Variants in HS1BP3 observed in about 807,000 individuals in gnomAD.
HS1BP3 encodes HCLS1-binding protein 3.
HS1BP3 carries 32 observed loss-of-function variants against 33.5 expected under a neutral mutation model. The ratio of observed to expected loss-of-function variants is 0.95; its 90% CI spans 0.72 to 1.28. HS1BP3 has a LOEUF of 1.28. Ranked by LOEUF, HS1BP3 falls within the 50% of genes most tolerant of loss-of-function variation. The pLI, the probability that HS1BP3 is intolerant of heterozygous loss-of-function variation, is 0.00. For synonymous variants in HS1BP3, 187 were observed against 209.2 expected, an observed-to-expected ratio of 0.89 and a Z score of 0.92; for missense variants, 486 against 502.3, an observed-to-expected ratio of 0.97 and a Z score of 0.31.
intron 5 of HS1BP3, among the ~76,000 whole-genome samples, chr2:20,569,187 C>A (rs562603993): frequency 1.3e-5 from 2 of 152,288 alleles, no homozygotes; most frequent in Non-Finnish European, 2.9e-5. Context: ...GTCCCACCAC[C>A]CCCAAAAGGC....
At chr2:20,586,216 T>C (rs887906117) in intron 5 of HS1BP3, 1 of 152,258 alleles carries the variant, frequency 6.6e-6, no homozygotes, top group Non-Finnish European at 1.5e-5. Context: ...TCAAAACGTC[T>C]TCACAATGCA....
At chr2:20,650,929 G>A in intron 1 of HS1BP3, 103 bp downstream of exon 1, 1 of 1,045,176 alleles carries the variant, frequency 9.6e-7, no homozygotes, top group Middle Eastern at 3.4e-4. Context: ...GGGGAGACCT[G>A]CACCAGGTCC....
intron 4 of HS1BP3, chr2:20,636,341 T>A (rs1695129742): frequency 6.6e-6 from 1 of 152,366 alleles, no homozygotes; most frequent in Non-Finnish European, 1.5e-5. Context: ...GCTCAACTCC[T>A]TCCTCGATTT....
intron 2 of HS1BP3, among the ~76,000 whole-genome samples, chr2:20,609,678 G>A (rs1456240882): frequency 6.6e-6 from 1 of 152,162 alleles, no homozygotes; most frequent in Non-Finnish European, 1.5e-5. Flanking sequence ...GTAACTAGAG[G>A]AAGAAAAAGA....
intron 4 of HS1BP3, chr2:20,636,952 A>G (rs60088331): frequency 0.16 from 23,870 of 151,744 alleles, 1,909 homozygotes; most frequent in African/African-American, 0.2. Flanking sequence ...TTAAGCCGGC[A>G]GGATTACTCT....
intron 4 of HS1BP3, chr2:20,637,114 T>C (rs894796188): frequency 2.7e-5 from 4 of 145,666 alleles, no homozygotes; most frequent in Admixed American, 7.2e-5. Flanking sequence ...AGTAGGAAGT[T>C]CAAGGCAGCA....
At chr2:20,599,652 TG>T (rs1358699594) in intron 2 of HS1BP3, among the ~76,000 whole-genome samples, 78 of 137,152 alleles carry the variant, frequency 5.7e-4, no homozygotes, top group African/African-American at 1.9e-3. Flanking sequence ...ACACACACTC[TG>T]TTTTTTTTTT....
At chr2:20,568,245 G>A (rs769539928) in intron 5 of HS1BP3, among the ~76,000 whole-genome samples, 1 of 152,200 alleles carries the variant, frequency 6.6e-6, no homozygotes, top group Non-Finnish European at 1.5e-5. Context: ...AGTCTCACAC[G>A]TGGTCAGGAA....
intron 4 of HS1BP3, among the ~76,000 whole-genome samples, chr2:20,633,456 T>C (rs1008875587): frequency 2.6e-5 from 4 of 152,246 alleles, no homozygotes; most frequent in African/African-American, 9.6e-5. Context: ...CTGGTACATC[T>C]GTTGTTCCTA....
rs1182959815 is a variant in HS1BP3, at chr2:20,645,397, G to T, written c.141C>A (p.Thr47=). The change falls in exon 2 of 7, where the codon ACC becomes ACA. Residue 47 remains threonine (T), a synonymous_variant. Transcript: ENST00000304031. ...TGGCCGACTTGAACGCAGCCAGACG[G>T]GTCACCACCAGGATCTGGTACTCCA... is the stretch of plus-strand genomic sequence containing the variant. ...GHVEYQILVV[T]RLAAFKSAKH... 1 of 1,614,086 alleles carries T rather than the reference G, an allele frequency of 6.2e-7. No homozygotes were observed.
chr2:20,603,445 C>T (rs909061490), intron 2 of HS1BP3, among the ~76,000 whole-genome samples: 3 of 152,142 alleles, frequency 2.0e-5, no homozygotes, highest in Admixed American at 6.5e-5. Context: ...CATGGATGAC[C>T]CTTGAAAGCA....
intron 5 of HS1BP3, among the ~76,000 whole-genome samples, chr2:20,582,194 A>G (rs1693550668): frequency 6.6e-6 from 1 of 152,184 alleles, no homozygotes; most frequent in Non-Finnish European, 1.5e-5. Context: ...GCCTTCCTGG[A>G]GGCGAAGGCT....
the HS1BP3 span, among the ~76,000 whole-genome samples, chr2:20,554,407 A>G: frequency 6.6e-6 from 1 of 152,028 alleles, no homozygotes; most frequent in African/African-American, 2.4e-5. Context: ...ATCACTGTCT[A>G]ACAAACACGC....
At chr2:20,626,267 C>T (rs949359869) in intron 4 of HS1BP3, among the ~76,000 whole-genome samples, 5 of 152,352 alleles carry the variant, frequency 3.3e-5, no homozygotes, top group South Asian at 2.1e-4. Flanking sequence ...CCAGCCGAGG[C>T]GAGGAGAAAC....
intron 5 of HS1BP3, among the ~76,000 whole-genome samples, chr2:20,581,924 T>C (rs1047714798): frequency 5.3e-5 from 8 of 152,298 alleles, no homozygotes; most frequent in Non-Finnish European, 1.2e-4. Flanking sequence ...ATGAGTTAGC[T>C]GCTTACTCCA....
rs115703952 is a variant in HS1BP3, at chr2:20,626,554, C to T, written c.624-1662G>A. Among the ~76,000 whole-genome samples the T allele has an allele frequency of 1.2e-3, 178 of 152,284 alleles. 1 individual carries two copies. The highest frequency in any genetic ancestry group is 4.1e-3 in the African/African-American group (171 of 41,558). Reference sequence around the variant, plus strand: ...CCATGAGGAAGGTGATATAGGATGGCGCAGGGATAACAGGATTGATCCTGC... The same window carrying T: ...CCATGAGGAAGGTGATATAGGATGGTGCAGGGATAACAGGATTGATCCTGC... On this transcript the variant is annotated intron_variant, in intron 4 of 6. Transcript: ENST00000304031.
In HS1BP3 at chr2:20,586,975, G is replaced by A. The variant is rs73235160; in HGVS notation, c.303-26460C>T. On this transcript the variant is annotated intron_variant, in intron 5 of 5. Transcript: ENST00000446825. ...ACCAGCCCTCTCAAACCTGGGCTGA[G>A]GGTGGCATATCAGTCAGGGGCAACT... 1.5e-3 allele frequency among the ~76,000 whole-genome samples: 233 copies of A among 152,312 alleles called. 1 individual carries two copies. The highest frequency in any genetic ancestry group is 5.2e-3 in the African/African-American group (218 of 41,578).
chr2:20,610,373 C>G (rs1026137761), intron 2 of HS1BP3, among the ~76,000 whole-genome samples: 1 of 152,006 alleles, frequency 6.6e-6, no homozygotes, highest in Non-Finnish European at 1.5e-5. Flanking sequence ...CCTATTCATC[C>G]CTCTCTTCCC....
chr2:20,558,148 TG>T (rs1481456617), downstream of HS1BP3, among the ~76,000 whole-genome samples: 1 of 152,142 alleles, frequency 6.6e-6, no homozygotes, highest in Non-Finnish European at 1.5e-5. Context: ...CAGCCAGGGA[TG>T]GGGGTGCAGA....
Sources: gnomAD v4.1 joint callset for allele counts (sites outside exome capture counted in the v4.1 genomes callset) on GRCh38, gnomAD v4.1.1 for gene constraint, MANE v1.5 for transcripts, NCBI Gene and HGNC (gene_info 2026-07-23, HGNC 2026-07-21) for gene names.